Variants in TNR observed in about 807,000 individuals in gnomAD.
TNR encodes the protein tenascin R.
TNR carries 45 observed loss-of-function variants against 150.4 expected under a neutral mutation model. The observed-to-expected ratio is 0.30, with a 90% CI of 0.24 to 0.38. The LOEUF (loss-of-function observed/expected upper bound fraction) is 0.38, where lower values mean the gene tolerates loss of function less well. TNR is among the 10% of genes least tolerant of loss of function. The probability of loss-of-function intolerance (pLI) is 1.00; values close to 1 mark genes in which losing one functional copy is unlikely to be tolerated. For missense variants in TNR, 1,544 were observed against 1,759.1 expected, an observed-to-expected ratio of 0.88 and a Z score of 2.19; for synonymous variants, 687 against 678.4, an observed-to-expected ratio of 1.01 and a Z score of -0.20.
chr1:175,566,769 C>T (rs540274803), intron 1 of TNR, among the ~76,000 whole-genome samples: 4 of 152,370 alleles, frequency 2.6e-5, no homozygotes, highest in Admixed American at 6.5e-5. Flanking sequence ...CTCCTGCCAT[C>T]TATTCCATCC....
intron 1 of TNR, among the ~76,000 whole-genome samples, chr1:175,734,527 G>A (rs1421393299): frequency 1.3e-5 from 2 of 152,194 alleles, no homozygotes; most frequent in African/African-American, 2.4e-5. Flanking sequence ...CAAGGTCAGC[G>A]GAGACACTTA....
intron 1 of TNR, among the ~76,000 whole-genome samples, chr1:175,687,059 A>T (rs1053334439): frequency 6.6e-6 from 1 of 152,198 alleles, no homozygotes; most frequent in African/African-American, 2.4e-5. Flanking sequence ...GGCAGGAAAG[A>T]CTTGGGAGCA....
At chr1:175,335,545 A>C (rs1410537657) in intron 20 of TNR, 166 bp downstream of exon 20, 1 of 637,502 alleles carries the variant, frequency 1.6e-6, no homozygotes, top group Non-Finnish European at 2.8e-6. Context: ...ATAAAAACAG[A>C]TCAATAGTGA....
chr1:175,515,721 T>C (rs75943706), intron 2 of TNR, among the ~76,000 whole-genome samples: 4,113 of 152,144 alleles, frequency 0.027, 177 homozygotes, highest in African/African-American at 0.092. Flanking sequence ...CAGGGTGCTG[T>C]GGGGAAAGTG....
intron 1 of TNR, among the ~76,000 whole-genome samples, chr1:175,534,515 C>T (rs1347363613): frequency 1.3e-5 from 2 of 152,250 alleles, no homozygotes; most frequent in Non-Finnish European, 2.9e-5. Context: ...TCCTCACACA[C>T]TGCCCAAGTG....
intron 2 of TNR, among the ~76,000 whole-genome samples, chr1:175,436,104 C>A (rs1022890570): frequency 3.3e-5 from 5 of 152,128 alleles, no homozygotes; most frequent in Non-Finnish European, 7.3e-5. Flanking sequence ...GTGAATCTGA[C>A]AATTATGTGT....
rs1650743833 is a variant in TNR at position 175,345,668 on chromosome 1, AC to A, written c.3383-7990del. Among the ~76,000 whole-genome samples the A allele has an allele frequency of 1.3e-5, 2 of 152,116 alleles. 1 individual carries two copies. Among genetic ancestry groups the A allele is most frequent in the Non-Finnish European group, 2.9e-5 (2 of 68,022 alleles). ...AAAAGTAAGAATAAAGAGGAAGAAAACATTTAAAAAGCTAAGGTATTTGGAG... is the reference window on the plus strand; with the variant it reads ...AAAAGTAAGAATAAAGAGGAAGAAAAATTTAAAAAGCTAAGGTATTTGGAG... On this transcript the variant is annotated intron_variant, in intron 18 of 22. Coordinates refer to ENST00000367674, the MANE Select transcript of TNR (RefSeq NM_003285.3).
At chr1:175,566,959 C>G (rs1661668145) in intron 1 of TNR, among the ~76,000 whole-genome samples, 1 of 152,216 alleles carries the variant, frequency 6.6e-6, no homozygotes, top group African/African-American at 2.4e-5. Context: ...TGTGGCACAT[C>G]TTGTGTGCCA....
intron 2 of TNR, among the ~76,000 whole-genome samples, chr1:175,491,574 G>A (rs906895849): frequency 6.7e-6 from 1 of 149,176 alleles, no homozygotes; most frequent in Non-Finnish European, 1.5e-5. Context: ...GACTTTCTGA[G>A]TTAGATAATG....
chr1:175,667,756 T>C (rs1321026452), intron 1 of TNR, among the ~76,000 whole-genome samples: 3 of 152,236 alleles, frequency 2.0e-5, no homozygotes, highest in African/African-American at 7.2e-5. Flanking sequence ...TGATTGTTCA[T>C]GCACCCACTT....
intron 1 of TNR, among the ~76,000 whole-genome samples, chr1:175,734,539 A>G (rs1383345644): frequency 6.6e-6 from 1 of 152,200 alleles, no homozygotes; most frequent in Non-Finnish European, 1.5e-5. Flanking sequence ...AGACACTTAG[A>G]GGGTGGAGCT....
In TNR at chr1:175,617,551, A is replaced by G. The variant is rs143079064; in HGVS notation, c.-164-89182T>C. 3.3e-5 allele frequency among the ~76,000 whole-genome samples: 5 copies of G among 149,558 alleles called. No homozygotes were observed. In the East Asian group the frequency reaches 9.6e-4, roughly 29 times the overall value. On this transcript the variant is annotated intron_variant, in intron 1 of 22. Transcript: ENST00000367674. ...CGGGATGGCCTAAAGCCTTCTATTC[A>G]TAGTGTGGTGTGAGACCAGCCACAT...
chr1:175,736,851 C>CAA lies in TNR; in HGVS notation c.-165+6373_-165+6374dup, dbSNP rs56881083. On this transcript the variant is annotated intron_variant, in intron 1 of 22. Transcript: ENST00000367674. ...CAATATATCAAGACCTCCATCTCTA[C>CAA]AAAAAAAAAAGATCAAAAAATTAGC... Among the ~76,000 whole-genome samples the CAA allele has an allele frequency of 4.4e-3, 642 of 146,830 alleles. 9 individuals are homozygous for CAA. Among genetic ancestry groups the CAA allele is most frequent in the African/African-American group, 0.015 (586 of 40,210 alleles).
At chr1:175,367,075 C>A (rs1651875158) in intron 10 of TNR, 133 bp downstream of exon 10, 1 of 721,366 alleles carries the variant, frequency 1.4e-6, no homozygotes, top group East Asian at 2.7e-5. Context: ...TGTTTCTAGG[C>A]TGACAGTTGT....
chr1:175,434,103 AG>A (rs1224048124), intron 2 of TNR, among the ~76,000 whole-genome samples: 1 of 152,144 alleles, frequency 6.6e-6, no homozygotes, highest in Non-Finnish European at 1.5e-5. Flanking sequence ...CAGCATGCAA[AG>A]CTCTGGATGC....
intron 7 of TNR, 57 bp from the exon 8 acceptor site, chr1:175,386,358 G>T: frequency 6.8e-7 from 1 of 1,479,078 alleles, no homozygotes; most frequent in Non-Finnish European, 9.0e-7. Flanking sequence ...AGCCTTGGGT[G>T]TCAGCTCTCT....
At chr1:175,615,634 G>A (rs1031979616) in intron 1 of TNR, among the ~76,000 whole-genome samples, 10 of 152,180 alleles carry the variant, frequency 6.6e-5, no homozygotes, top group East Asian at 1.9e-4. Flanking sequence ...CACTTTGGCC[G>A]GTCTCCTGAC....
intron 1 of TNR, among the ~76,000 whole-genome samples, chr1:175,689,045 A>G (rs533605560): frequency 6.6e-6 from 1 of 152,358 alleles, no homozygotes; most frequent in Non-Finnish European, 1.5e-5. Context: ...GATGGCAAGC[A>G]CACAGGTAAC....
chr1:175,710,739 T>A (rs1239221735), intron 1 of TNR, among the ~76,000 whole-genome samples: 1 of 151,906 alleles, frequency 6.6e-6, no homozygotes, highest in Non-Finnish European at 1.5e-5. Flanking sequence ...GTCTCAGGAG[T>A]CTCACTCACT....
Sources: gnomAD v4.1 joint callset for allele counts (sites outside exome capture counted in the v4.1 genomes callset) on GRCh38, gnomAD v4.1.1 for gene constraint, MANE v1.5 for transcripts, NCBI Gene and HGNC (gene_info 2026-07-23, HGNC 2026-07-21) for gene names.